The following RRAS2 variants were observed in gnomAD, a reference collection of about 807,000 sequenced individuals.
RRAS2 encodes ras-related protein R-Ras2.
Under a neutral mutation model 27.6 loss-of-function variants are expected in RRAS2, and 7 were observed. The observed-to-expected ratio is 0.25, with a 90% confidence interval of 0.14 to 0.48. The LOEUF (loss-of-function observed/expected upper bound fraction) is 0.48. RRAS2 is among the 20% of genes least tolerant of loss of function. RRAS2 has a pLI of 0.99. For synonymous variants in RRAS2, 86 were observed against 90.9 expected (o/e 0.95, Z 0.31); for missense variants, 178 against 256.2 (o/e 0.69, Z 2.08).
At chr11:14,328,174 C>G (rs1353010718) in intron 1 of RRAS2, among the ~76,000 whole-genome samples, 2 of 151,978 alleles carry the variant, frequency 1.3e-5, no homozygotes, top group Non-Finnish European at 2.9e-5. Flanking sequence ...TCGAGACCAG[C>G]CTGACCAACA....
chr11:14,362,769 T>A (rs961055332), upstream of RRAS2, among the ~76,000 whole-genome samples: 36 of 152,092 alleles, frequency 2.4e-4, no homozygotes, highest in Admixed American at 4.6e-4. Flanking sequence ...AGGAAACAGG[T>A]CTCCTGACTC....
intron 1 of RRAS2, among the ~76,000 whole-genome samples, chr11:14,315,263 G>A (rs1554949347): frequency 6.6e-6 from 1 of 152,162 alleles, no homozygotes; most frequent in Non-Finnish European, 1.5e-5. Context: ...AGCATCAACA[G>A]TTACAAATCA....
At chr11:14,334,220 C>T (rs529512794) in intron 1 of RRAS2, among the ~76,000 whole-genome samples, 1 of 152,262 alleles carries the variant, frequency 6.6e-6, no homozygotes, top group South Asian at 2.1e-4. Context: ...TTACCTATAA[C>T]AGGTAGTATT....
chr11:14,337,884 G>A (rs1170405528), intron 1 of RRAS2, among the ~76,000 whole-genome samples: 1 of 151,992 alleles, frequency 6.6e-6, no homozygotes, highest in African/African-American at 2.4e-5. Flanking sequence ...TTGCCAGAAG[G>A]GCCACCCTAA....
At chr11:14,295,651 G>A (rs1847525102) in intron 2 of RRAS2, 117 bp downstream of exon 2, 3 of 728,046 alleles carry the variant, frequency 4.1e-6, no homozygotes, top group African/African-American at 3.6e-5. Flanking sequence ...AATGACATGG[G>A]CTAATATTCC....
Position 14,340,426 on chromosome 11 carries a change from C to T in RRAS2, c.108+18337G>A, listed in dbSNP as rs145684356. Among the ~76,000 whole-genome samples, 47 of 152,044 alleles carry T rather than the reference C, an allele frequency of 3.1e-4. 1 individual carries two copies. The East Asian group carries it at 8.4e-3, about 27-fold the overall frequency. On this transcript the variant is annotated intron_variant, in intron 1 of 5. Transcript: ENST00000256196. The stretch of plus-strand genomic sequence containing the variant: ...AAAAAAAAGTATTCTGAGAATCCCA[C>T]AGGCTTTACCAAACTACCAAGAGCC...
chr11:14,348,908 T>A (rs1016219411), intron 1 of RRAS2, among the ~76,000 whole-genome samples: 1 of 152,196 alleles, frequency 6.6e-6, no homozygotes, highest in Non-Finnish European at 1.5e-5. Flanking sequence ...GAAAAAGATG[T>A]ACAGATGTAC....
At chr11:14,339,275 A>G (rs553128083) in intron 1 of RRAS2, among the ~76,000 whole-genome samples, 13 of 82,088 alleles carry the variant, frequency 1.6e-4, no homozygotes, top group African/African-American at 5.9e-4. Flanking sequence ...GACTGTCTCT[A>G]CCAAAAAAAA....
chr11:14,327,048 G>A (rs1436606318), intron 1 of RRAS2, among the ~76,000 whole-genome samples: 1 of 14,076 alleles, frequency 7.1e-5, no homozygotes, highest in East Asian at 1.3e-3. Flanking sequence ...GCAACAGAGC[G>A]AGACTCTGTC....
At chr11:14,350,521 T>G (rs1848926997) in intron 1 of RRAS2, among the ~76,000 whole-genome samples, 1 of 152,138 alleles carries the variant, frequency 6.6e-6, no homozygotes, top group African/African-American at 2.4e-5. Flanking sequence ...GTACTGTGCT[T>G]CTTGTACAGC....
intron 1 of RRAS2, among the ~76,000 whole-genome samples, chr11:14,351,320 T>C (rs144203222): frequency 1.3e-3 from 194 of 152,324 alleles, no homozygotes; most frequent in African/African-American, 4.3e-3. Context: ...TCTTTTGCTA[T>C]AAAAGGCGTA....
At chr11:14,351,938 C>T (rs1434993610) in intron 1 of RRAS2, among the ~76,000 whole-genome samples, 6 of 148,888 alleles carry the variant, frequency 4.0e-5, no homozygotes, top group African/African-American at 1.5e-4. Flanking sequence ...CCTGGTTTTT[C>T]GGAAATACAC....
At chr11:14,355,264 T>C (rs1167830661) in intron 1 of RRAS2, among the ~76,000 whole-genome samples, 1 of 151,986 alleles carries the variant, frequency 6.6e-6, no homozygotes, top group Non-Finnish European at 1.5e-5. Flanking sequence ...TAAAGGCAGA[T>C]TAAGAAACTA....
chr11:14,299,370 C>T (rs1554947094), intron 1 of RRAS2, among the ~76,000 whole-genome samples: 1 of 152,148 alleles, frequency 6.6e-6, no homozygotes, highest in East Asian at 1.9e-4. Context: ...AGCAACTACA[C>T]AGTTAATTTA....
At chr11:14,329,906 TAAATAA>T (rs1235088209) in intron 1 of RRAS2, among the ~76,000 whole-genome samples, 4 of 151,948 alleles carry the variant, frequency 2.6e-5, no homozygotes, top group Non-Finnish European at 5.9e-5. Context: ...TTCATCTCTA[TAAATAA>T]AAATAAAAAT....
In RRAS2 at chr11:14,330,918, TTTTG is replaced by T. The variant is rs147163587; in HGVS notation, c.108+27841_108+27844del. On this transcript the variant is annotated intron_variant, in intron 1 of 5. Transcript: ENST00000256196. ...ATAACAGTGGCAAATTTCATTTGTT[TTTTG>T]TTTGTTTGCTTGTTTTAGAGACAGT... is the stretch of plus-strand genomic sequence containing the variant. Among the ~76,000 whole-genome samples the T allele has an allele frequency of 5.0e-3, 765 of 152,276 alleles. 6 individuals carry two copies. The highest frequency in any genetic ancestry group is 0.017 in the African/African-American group (724 of 41,522).
chr11:14,321,895 G>A (rs928693720), intron 1 of RRAS2, among the ~76,000 whole-genome samples: 35 of 152,004 alleles, frequency 2.3e-4, no homozygotes, highest in African/African-American at 8.5e-4. Flanking sequence ...TCCTCGTACT[G>A]TAATCATATG....
intron 1 of RRAS2, among the ~76,000 whole-genome samples, chr11:14,356,315 A>G (rs377396337): frequency 6.6e-6 from 1 of 151,924 alleles, no homozygotes; most frequent in Admixed American, 6.6e-5. Flanking sequence ...CACATATGAC[A>G]TTTCCATTCT....
chr11:14,335,081 C>T (rs1345725630), intron 1 of RRAS2, among the ~76,000 whole-genome samples: 1 of 152,254 alleles, frequency 6.6e-6, no homozygotes, highest in Non-Finnish European at 1.5e-5. Flanking sequence ...TGTGACCCTG[C>T]TGAACACTCA....
Sources: allele counts gnomAD v4.1 joint callset (sites outside exome capture counted in the v4.1 genomes callset), GRCh38; gene constraint gnomAD v4.1.1; transcripts MANE v1.5; gene names NCBI Gene and HGNC (gene_info 2026-07-23, HGNC 2026-07-21).